Variants in SBF2 observed in about 807,000 individuals in gnomAD.
SBF2 encodes SET binding factor 2, also known as myotubularin-related protein 13.
A neutral mutation model predicts 225.2 loss-of-function variants in SBF2; 112 were observed. The ratio of observed to expected loss-of-function variants is 0.50; its 90% CI spans 0.43 to 0.58. SBF2 has a LOEUF of 0.58. SBF2 is among the 20% of genes least tolerant of loss of function. The pLI is 0.00. For synonymous variants in SBF2, 763 were observed against 773.3 expected (o/e 0.99, Z 0.22); for missense variants, 1,996 against 2,206.2 (o/e 0.90, Z 1.91).
At chr11:10,199,246 G>C (rs1285603507) in intron 1 of SBF2, among the ~76,000 whole-genome samples, 5 of 152,128 alleles carry the variant, frequency 3.3e-5, no homozygotes, top group African/African-American at 4.8e-5. Context: ...GGAATGGCTG[G>C]TCAGTGGTGC....
At chr11:9,958,838 T>C in intron 16 of SBF2, 1 of 618,534 alleles carries the variant, frequency 1.6e-6, no homozygotes, top group Admixed American at 2.1e-5. Context: ...AGAGAGGCAA[T>C]GATCTTCAAA....
intron 2 of SBF2, among the ~76,000 whole-genome samples, chr11:10,078,004 A>C (rs1951190767): frequency 6.6e-6 from 1 of 152,240 alleles, no homozygotes; most frequent in South Asian, 2.1e-4. Context: ...TCTCAAAAGA[A>C]GACATTTATG....
intron 1 of SBF2, among the ~76,000 whole-genome samples, chr11:10,245,303 A>G (rs1001779433): frequency 6.6e-6 from 1 of 151,372 alleles, no homozygotes; most frequent in Non-Finnish European, 1.5e-5. Context: ...CATCTACTCA[A>G]GAACCCGAGT....
At chr11:9,787,844 G>A (rs1852475742) in intron 35 of SBF2, 106 bp from the exon 36 acceptor site, 8 of 918,664 alleles carry the variant, frequency 8.7e-6, no homozygotes, top group East Asian at 5.2e-5. Context: ...CATGGCCAGA[G>A]GGCAGTTGAG....
chr11:9,952,926 G>A (rs1001273662), intron 16 of SBF2, among the ~76,000 whole-genome samples: 2 of 152,164 alleles, frequency 1.3e-5, no homozygotes, highest in Admixed American at 6.5e-5. Context: ...CTTCTACACT[G>A]CTGGTGGGAA....
At chr11:9,821,744 G>A (rs188123629) in intron 28 of SBF2, among the ~76,000 whole-genome samples, 225 of 152,278 alleles carry the variant, frequency 1.5e-3, no homozygotes, top group Non-Finnish European at 2.6e-3. Flanking sequence ...ATGTGGTACG[G>A]ATGAATATTG....
Position 10,303,287 on chromosome 11 carries a change from A to AC in SBF2, n.386+1204dup, listed in dbSNP as rs1330017990. On this transcript the variant is annotated intron_variant and non_coding_transcript_variant, in intron 1 of 5. Transcript: ENST00000685217. This position sits in a 1 kb window ranked among gnomAD's most constrained non-coding sequence, Gnocchi z 5.2. ...CACTCCTCTAACCCTCCGCGTCCCAACCCCTTACCAGGGCCAGGGTCAGGG... is the reference window on the plus strand; with the variant it reads ...CACTCCTCTAACCCTCCGCGTCCCAACCCCCTTACCAGGGCCAGGGTCAGGG... 1 of 152,112 alleles carries AC rather than the reference A, an allele frequency of 6.6e-6. No individual in the cohort carries two copies. The highest frequency in any genetic ancestry group is 1.5e-5 in the Non-Finnish European group (1 of 68,106). The allele number at this position is 152,112 out of a possible 1,614,324, so 9.4% of individuals were successfully genotyped here. A position where few individuals can be genotyped will look rare whatever the true frequency, so the allele number is the denominator to read the frequency against.
chr11:10,222,593 C>A lies in SBF2; in HGVS notation c.56-28606G>T, dbSNP rs74518586. ...CCGAATTTGAAGAACTGAGAAAAAG[C>A]AAATTGGGGGGAAAAAGGAACAGAG... On this transcript the variant is annotated intron_variant, in intron 1 of 39. Coordinates refer to ENST00000256190, the MANE Select transcript of SBF2 (RefSeq NM_030962.4). Among the ~76,000 whole-genome samples, 435 of 152,148 alleles carry A rather than the reference C, an allele frequency of 2.9e-3. 8 individuals are homozygous for A. The East Asian group carries it at 0.065, about 23-fold the overall frequency.
chr11:9,992,598 G>A, intron 11 of SBF2, 55 bp from the exon 12 acceptor site: 1 of 1,536,608 alleles, frequency 6.5e-7, no homozygotes, highest in Non-Finnish European at 8.9e-7. Flanking sequence ...CGGACAAATG[G>A]TCAAAACAGA....
intron 16 of SBF2, chr11:9,915,782 G>A (rs1863033067): frequency 6.6e-6 from 1 of 152,134 alleles, no homozygotes; most frequent in Non-Finnish European, 1.5e-5. Flanking sequence ...AACCAAATAG[G>A]CTGGGCACGG....
chr11:10,151,456 G>A (rs542520932), intron 2 of SBF2, among the ~76,000 whole-genome samples: 26 of 152,258 alleles, frequency 1.7e-4, no homozygotes, highest in South Asian at 4.1e-4. Context: ...CTACTGCATA[G>A]AGCTTATTTT....
chr11:10,068,618 A>G lies in SBF2; in HGVS notation c.142-25637T>C, dbSNP rs923085149. Among the ~76,000 whole-genome samples the G allele has an allele frequency of 3.3e-5, 5 of 152,210 alleles. No homozygotes were observed. In the East Asian group the frequency reaches 9.6e-4, roughly 29 times the overall value. The stretch of plus-strand genomic sequence containing the variant: ...ATATACCTTACGTAGCTTTTATAAA[A>G]AACTATTTTATGCACCTAAAATGTT... On this transcript the variant is annotated intron_variant, in intron 2 of 39. Transcript: ENST00000256190.
At chr11:9,988,853 A>G (rs1326750832) in intron 13 of SBF2, among the ~76,000 whole-genome samples, 5 of 152,202 alleles carry the variant, frequency 3.3e-5, no homozygotes, top group South Asian at 4.1e-4. Flanking sequence ...GAGATTCCTT[A>G]AAGAACTAAA....
rs115927828 is a variant in SBF2 at position 10,282,199 on chromosome 11, T to C, written c.55+11816A>G. On this transcript the variant is annotated intron_variant, in intron 1 of 39. Coordinates refer to ENST00000256190, the MANE Select transcript of SBF2 (RefSeq NM_030962.4). ...CTTGAAATTCTATATACCCAGGGTT[T>C]TCCATGATACCATATCATGCTATCT... 4.7e-3 allele frequency among the ~76,000 whole-genome samples: 714 copies of C among 152,308 alleles called. 5 individuals carry two copies. The highest frequency in any genetic ancestry group is 0.016 in the African/African-American group (677 of 41,576).
chr11:9,984,768 C>T (rs1947124103), intron 13 of SBF2, among the ~76,000 whole-genome samples: 1 of 152,130 alleles, frequency 6.6e-6, no homozygotes, highest in Non-Finnish European at 1.5e-5. Context: ...AGACTGGAGC[C>T]CTATCTTCAG....
At chr11:10,071,517 C>T (rs936785748) in intron 2 of SBF2, among the ~76,000 whole-genome samples, 2 of 152,142 alleles carry the variant, frequency 1.3e-5, no homozygotes, top group African/African-American at 4.8e-5. Flanking sequence ...CCACCTGCCT[C>T]GGCCTCCCAA....
chr11:10,024,305 T>C (rs1187034146), intron 6 of SBF2, among the ~76,000 whole-genome samples: 1 of 150,400 alleles, frequency 6.6e-6, no homozygotes, highest in Non-Finnish European at 1.5e-5. Flanking sequence ...TGAACATTCA[T>C]ATACAAATAT....
intron 16 of SBF2, among the ~76,000 whole-genome samples, chr11:9,952,965 C>G (rs762314804): frequency 4.6e-5 from 7 of 152,178 alleles, no homozygotes; most frequent in African/African-American, 1.7e-4. Flanking sequence ...CTGTGGAAAA[C>G]AGTGTGGAGA....
In SBF2 at chr11:10,029,853, G is replaced by T; in HGVS notation, c.425C>A (p.Thr142Asn). 12 of 1,613,250 alleles carry T rather than the reference G, an allele frequency of 7.4e-6. No individual in the cohort carries two copies. The highest frequency in any genetic ancestry group is 1.0e-5 in the Non-Finnish European group (12 of 1,179,296). Residue 142 changes from threonine (T) to asparagine (N), a missense_variant, in exon 5 of 40, where the codon ACC becomes AAC. By Grantham distance (65) the Thr-to-Asn change is moderately conservative. Transcript: ENST00000256190. Reference sequence around the variant, plus strand: ...GACATTCAGGCTGTCCACATACACGGTATAGATCAAACCCAGGCAAGCCTG... The same window carrying T: ...GACATTCAGGCTGTCCACATACACGTTATAGATCAAACCCAGGCAAGCCTG... ...IFRACLGLIY[T>N]VYVDSLNVSL...
Sources: gnomAD v4.1 joint callset for allele counts (sites outside exome capture counted in the v4.1 genomes callset) on GRCh38, gnomAD v4.1.1 for gene constraint, Gnocchi (gnomAD v3.1) non-coding constraint, MANE v1.5 for transcripts, NCBI Gene and HGNC (gene_info 2026-07-23, HGNC 2026-07-21) for gene names.